The following DPP10 variants were observed in gnomAD, a reference collection of about 807,000 sequenced individuals.
The protein encoded by DPP10 is dipeptidyl peptidase like 10.
Under a neutral mutation model 120.9 loss-of-function variants are expected in DPP10, and 33 were observed. That is an observed-to-expected ratio of 0.27 (90% CI 0.21 to 0.37). The LOEUF (loss-of-function observed/expected upper bound fraction) is 0.37. Among genes scored for constraint, DPP10 ranks in the 10% least tolerant of loss-of-function variants. The pLI is 1.00. For synonymous variants in DPP10, 337 were observed against 326.1 expected, an observed-to-expected ratio of 1.03 and a Z score of -0.36; for missense variants, 816 against 942.8, an observed-to-expected ratio of 0.87 and a Z score of 1.76.
intron 5 of DPP10, among the ~76,000 whole-genome samples, chr2:115,553,411 A>T (rs1349358143): frequency 6.6e-6 from 1 of 152,118 alleles, no homozygotes; most frequent in African/African-American, 2.4e-5. Flanking sequence ...GAAGTATATT[A>T]ACATATATTA....
intron 1 of DPP10, among the ~76,000 whole-genome samples, chr2:115,078,078 A>C (rs1431277748): frequency 1.3e-5 from 2 of 152,240 alleles, no homozygotes; most frequent in African/African-American, 4.8e-5. Context: ...CCACCTCATA[A>C]AGGCCTGAGA....
At chr2:114,849,930 T>G (rs1258748512) in intron 1 of DPP10, among the ~76,000 whole-genome samples, 2 of 151,906 alleles carry the variant, frequency 1.3e-5, no homozygotes, top group Admixed American at 1.3e-4. Context: ...TTTCTTTTCT[T>G]TTCTGTTCTC....
intron 1 of DPP10, among the ~76,000 whole-genome samples, chr2:115,097,151 A>T (rs181757035): frequency 8.0e-5 from 12 of 150,060 alleles, no homozygotes; most frequent in African/African-American, 2.7e-4. Flanking sequence ...TGTTATCAAG[A>T]CCCAAGATAT....
intron 5 of DPP10, among the ~76,000 whole-genome samples, chr2:115,620,923 G>A (rs2084899793): frequency 6.6e-6 from 1 of 152,206 alleles, no homozygotes; most frequent in South Asian, 2.1e-4. Context: ...TGGGAGACAT[G>A]ACTTTTAGGA....
At chr2:114,871,973 T>C (rs1048515937) in intron 1 of DPP10, among the ~76,000 whole-genome samples, 1 of 152,202 alleles carries the variant, frequency 6.6e-6, no homozygotes, top group Non-Finnish European at 1.5e-5. Flanking sequence ...GAGAATCTAA[T>C]GCCTGATGAT....
chr2:115,621,913 G>A (rs905979368), intron 5 of DPP10, among the ~76,000 whole-genome samples: 1 of 152,000 alleles, frequency 6.6e-6, no homozygotes, highest in Non-Finnish European at 1.5e-5. Flanking sequence ...CCTGACCTCA[G>A]GTGGTCCGCC....
chr2:114,479,668 A>G (rs1680840232), intron 1 of DPP10, among the ~76,000 whole-genome samples: 1 of 152,190 alleles, frequency 6.6e-6, no homozygotes, highest in East Asian at 1.9e-4. Flanking sequence ...CCATATATAG[A>G]AAGCTGAAAC....
intron 3 of DPP10, among the ~76,000 whole-genome samples, chr2:115,456,057 C>T (rs1333052344): frequency 6.6e-6 from 1 of 151,942 alleles, no homozygotes; most frequent in Admixed American, 6.6e-5. Flanking sequence ...AAAATTTTTG[C>T]AATCTATCCA....
intron 3 of DPP10, among the ~76,000 whole-genome samples, chr2:115,464,405 C>A (rs201530190): frequency 3.3e-5 from 5 of 149,364 alleles, no homozygotes; most frequent in Non-Finnish European, 3.0e-5. Flanking sequence ...GTTCTGCAGC[C>A]AAAAAAAAAC....
chr2:114,878,474 A>T (rs963063873), intron 1 of DPP10, among the ~76,000 whole-genome samples: 5 of 152,108 alleles, frequency 3.3e-5, no homozygotes, highest in African/African-American at 1.2e-4. Flanking sequence ...ATATTCATGA[A>T]GTTATTCCTA....
At chr2:115,012,483 G>C (rs1702337539) in intron 1 of DPP10, among the ~76,000 whole-genome samples, 1 of 152,316 alleles carries the variant, frequency 6.6e-6, no homozygotes, top group African/African-American at 2.4e-5. Flanking sequence ...ACAGCTGCAA[G>C]ACCTGAAGGT....
At chr2:115,354,182 C>T (rs1179465898) in intron 3 of DPP10, among the ~76,000 whole-genome samples, 1 of 152,026 alleles carries the variant, frequency 6.6e-6, no homozygotes, top group East Asian at 1.9e-4. Flanking sequence ...ATTTTAGATT[C>T]AGGGGTACAT....
At chr2:114,920,805 A>G (rs924016639) in intron 1 of DPP10, among the ~76,000 whole-genome samples, 1 of 152,270 alleles carries the variant, frequency 6.6e-6, no homozygotes, top group African/African-American at 2.4e-5. Flanking sequence ...AGAGCACAGA[A>G]TCTCCCCAGT....
intron 1 of DPP10, among the ~76,000 whole-genome samples, chr2:114,656,333 T>G (rs1445578265): frequency 6.6e-6 from 1 of 151,634 alleles, no homozygotes. Context: ...ACAAGATCAG[T>G]GGAATGAATG....
At chr2:114,737,341 C>T (rs1255440545) in intron 1 of DPP10, among the ~76,000 whole-genome samples, 2 of 152,170 alleles carry the variant, frequency 1.3e-5, no homozygotes, top group South Asian at 2.1e-4. Context: ...CAGGTGCCTC[C>T]TCCATCAGTC....
intron 1 of DPP10, among the ~76,000 whole-genome samples, chr2:115,006,753 C>T (rs1196626952): frequency 6.6e-6 from 1 of 151,908 alleles, no homozygotes; most frequent in African/African-American, 2.4e-5. Flanking sequence ...ACTTAGACTC[C>T]CACACATTAA....
intron 1 of DPP10, among the ~76,000 whole-genome samples, chr2:114,964,589 G>A (rs530111715): frequency 6.6e-6 from 1 of 152,098 alleles, no homozygotes; most frequent in South Asian, 2.1e-4. Context: ...CCAAGCAGAG[G>A]GAAGAGCAAT....
At chr2:115,142,435 A>AGGAGATCAGCCCCAGGGAT (rs1327485367) in intron 1 of DPP10, among the ~76,000 whole-genome samples, 2 of 152,216 alleles carry the variant, frequency 1.3e-5, no homozygotes, top group African/African-American at 4.8e-5. Flanking sequence ...GCATGGACCC[A>AGGAGATCAGCCCCAGGGAT]GGAGATCAGC....
chr2:114,947,086 G>A (rs1275888620), intron 1 of DPP10, among the ~76,000 whole-genome samples: 5 of 151,750 alleles, frequency 3.3e-5, no homozygotes, highest in Admixed American at 1.3e-4. Context: ...TTATCTGTTT[G>A]TTTAACCACT....
Sources: gnomAD v4.1 joint callset for allele counts (sites outside exome capture counted in the v4.1 genomes callset) on GRCh38, gnomAD v4.1.1 for gene constraint, MANE v1.5 for transcripts, NCBI Gene and HGNC (gene_info 2026-07-23, HGNC 2026-07-21) for gene names.